CNTN5: variants seen among roughly 807,000 people sequenced by gnomAD.
CNTN5 encodes contactin 5.
A neutral mutation model predicts 129.1 loss-of-function variants in CNTN5; 77 were observed. The ratio of observed to expected loss-of-function variants is 0.60; its 90% CI spans 0.50 to 0.72. CNTN5 has a LOEUF of 0.72. Among genes scored for constraint, CNTN5 ranks in the 30% least tolerant of loss-of-function variants. The pLI is 0.00. For missense variants in CNTN5, 1,478 were observed against 1,328.8 expected (o/e 1.11, Z -1.75); for synonymous variants, 509 against 465.6 (o/e 1.09, Z -1.20).
intron 7 of CNTN5, among the ~76,000 whole-genome samples, chr11:99,955,488 G>A (rs1950777797): frequency 2.0e-5 from 3 of 152,086 alleles, no homozygotes; most frequent in Admixed American, 6.6e-5. Context: ...TTTGGATTTT[G>A]TATCTGTATA....
At chr11:100,153,701 A>G (rs1947140090) in intron 13 of CNTN5, among the ~76,000 whole-genome samples, 1 of 152,110 alleles carries the variant, frequency 6.6e-6, no homozygotes, top group Non-Finnish European at 1.5e-5. Context: ...CTATGCCAAA[A>G]CATTATATCT....
At chr11:100,308,636 C>T (rs777030752) in intron 21 of CNTN5, 168 bp downstream of exon 21, 36 of 1,319,984 alleles carry the variant, frequency 2.7e-5, no homozygotes, top group South Asian at 4.2e-5. Context: ...TTATGTTGCT[C>T]ATTAACTGGT....
chr11:99,440,626 T>G (rs970389939), intron 2 of CNTN5, among the ~76,000 whole-genome samples: 1 of 152,194 alleles, frequency 6.6e-6, no homozygotes, highest in Non-Finnish European at 1.5e-5. Context: ...ACTTTGTCCA[T>G]AGCCTTGTGT....
At chr11:99,753,339 G>A (rs1944299012) in intron 3 of CNTN5, among the ~76,000 whole-genome samples, 1 of 151,248 alleles carries the variant, frequency 6.6e-6, no homozygotes, top group Middle Eastern at 3.4e-3. Flanking sequence ...AGCCAGGATG[G>A]TCTCGATCTC....
chr11:99,050,906 T>C (rs1864401382), intron 1 of CNTN5, among the ~76,000 whole-genome samples: 1 of 151,944 alleles, frequency 6.6e-6, no homozygotes, highest in African/African-American at 2.4e-5. Flanking sequence ...TTATTATGTA[T>C]GTTACTATTA....
At chr11:99,298,643 G>A (rs989560608) in intron 1 of CNTN5, among the ~76,000 whole-genome samples, 1 of 152,046 alleles carries the variant, frequency 6.6e-6, no homozygotes, top group African/African-American at 2.4e-5. Flanking sequence ...TATCTAAAAT[G>A]TCCAGTTTTC....
chr11:99,842,300 A>T (rs907458284), intron 4 of CNTN5, among the ~76,000 whole-genome samples: 4 of 152,196 alleles, frequency 2.6e-5, no homozygotes, highest in African/African-American at 7.2e-5. Context: ...TCGTGATATT[A>T]TGCATGAGAA....
rs1243586386 is a variant in CNTN5 at position 100,245,421 on chromosome 11, C to T, written c.2006-10339C>T. Among the ~76,000 whole-genome samples, 6 of 152,040 alleles carry T rather than the reference C, an allele frequency of 3.9e-5. No homozygotes were observed. In the East Asian group the frequency reaches 9.7e-4, roughly 24 times the overall value. On this transcript the variant is annotated intron_variant, in intron 16 of 24. Coordinates refer to ENST00000524871, the MANE Select transcript of CNTN5 (RefSeq NM_014361.4). The stretch of plus-strand genomic sequence containing the variant: ...ATTGCCGTGATCTGATTGGCTTAGG[C>T]CTAGCTTCCTGAACCAATCCTTAGC...
intron 1 of CNTN5, among the ~76,000 whole-genome samples, chr11:99,260,093 C>A (rs1049622918): frequency 6.6e-6 from 1 of 151,610 alleles, no homozygotes; most frequent in African/African-American, 2.4e-5. Flanking sequence ...TAATTTTTAT[C>A]ATGCAAAAGT....
chr11:100,348,261 C>T (rs1038450109), intron 23 of CNTN5, among the ~76,000 whole-genome samples: 3 of 151,976 alleles, frequency 2.0e-5, no homozygotes, highest in Non-Finnish European at 4.4e-5. Flanking sequence ...TGCATCTTTT[C>T]TAAATCAGGA....
At chr11:99,811,626 A>G (rs939403124) in intron 3 of CNTN5, among the ~76,000 whole-genome samples, 3 of 151,848 alleles carry the variant, frequency 2.0e-5, no homozygotes, top group Admixed American at 2.0e-4. Context: ...TGTCATTCTG[A>G]CTTAATGGAG....
chr11:99,288,049 A>G (rs1864015779), intron 1 of CNTN5, among the ~76,000 whole-genome samples: 1 of 151,934 alleles, frequency 6.6e-6, no homozygotes, highest in Non-Finnish European at 1.5e-5. Flanking sequence ...TGTGCTGCAG[A>G]TGTCTATGCT....
chr11:99,397,367 T>G (rs907036618), intron 2 of CNTN5, among the ~76,000 whole-genome samples: 1 of 151,762 alleles, frequency 6.6e-6, no homozygotes, highest in Non-Finnish European at 1.5e-5. Flanking sequence ...ACTCTTTTAT[T>G]CTCCCATTCT....
At chr11:99,340,927 T>A (rs1488236819) in intron 2 of CNTN5, among the ~76,000 whole-genome samples, 1 of 152,174 alleles carries the variant, frequency 6.6e-6, no homozygotes, top group Non-Finnish European at 1.5e-5. Context: ...TTGGGTAAAC[T>A]TTTCTGCTTG....
chr11:99,304,035 T>C (rs1309328114), intron 1 of CNTN5, among the ~76,000 whole-genome samples: 1 of 152,172 alleles, frequency 6.6e-6, no homozygotes, highest in Non-Finnish European at 1.5e-5. Flanking sequence ...TTTGTCTTCA[T>C]GTACCTTGTT....
intron 9 of CNTN5, among the ~76,000 whole-genome samples, chr11:100,034,531 A>T (rs1302012369): frequency 6.6e-6 from 1 of 152,096 alleles, no homozygotes; most frequent in African/African-American, 2.4e-5. Context: ...AACCTTGCTT[A>T]TTTTCAGTGC....
At chr11:99,772,146 C>G (rs921893167) in intron 3 of CNTN5, among the ~76,000 whole-genome samples, 1 of 150,968 alleles carries the variant, frequency 6.6e-6, no homozygotes, top group East Asian at 2.0e-4. Context: ...AATTTTTCTA[C>G]TACATCAATT....
chr11:99,178,874 G>A (rs2135558835), intron 1 of CNTN5, among the ~76,000 whole-genome samples: 1 of 151,986 alleles, frequency 6.6e-6, no homozygotes, highest in South Asian at 2.1e-4. Flanking sequence ...CCATTAATAT[G>A]CATTTAAATA....
chr11:99,850,474 T>A (rs1190095930), intron 6 of CNTN5, among the ~76,000 whole-genome samples: 1 of 152,142 alleles, frequency 6.6e-6, no homozygotes, highest in Non-Finnish European at 1.5e-5. Context: ...TAAGCAAGTA[T>A]AAAGCAAATT....
Sources: allele counts gnomAD v4.1 joint callset (sites outside exome capture counted in the v4.1 genomes callset), GRCh38; gene constraint gnomAD v4.1.1; transcripts MANE v1.5; gene names NCBI Gene and HGNC (gene_info 2026-07-23, HGNC 2026-07-21).